CDH23: variants seen among roughly 807,000 people sequenced by gnomAD.
CDH23 encodes the protein cadherin related 23.
A neutral mutation model predicts 317.1 loss-of-function variants in CDH23; 189 were observed. The observed-to-expected ratio is 0.60, with a 90% CI of 0.53 to 0.67. The LOEUF is 0.67. Ranked by LOEUF, CDH23 falls within the 30% of genes least tolerant of loss-of-function variation. The probability of loss-of-function intolerance (pLI) is 0.00; values close to 1 mark genes in which losing one functional copy is unlikely to be tolerated. For synonymous variants in CDH23, 1,839 were observed against 1,876.8 expected (o/e 0.98, Z 0.52); for missense variants, 4,401 against 4,592.4 (o/e 0.96, Z 1.20).
intron 41 of CDH23, among the ~76,000 whole-genome samples, chr10:71,782,824 A>AC (rs1398769331): frequency 2.6e-5 from 4 of 152,112 alleles, no homozygotes; most frequent in African/African-American, 4.8e-5. Flanking sequence ...AGCAGCTTCC[A>AC]CCCCCCAGGC....
chr10:71,529,714 CTG>C (rs1855250178), intron 6 of CDH23, among the ~76,000 whole-genome samples: 1 of 152,142 alleles, frequency 6.6e-6, no homozygotes, highest in Non-Finnish European at 1.5e-5. Flanking sequence ...TACTTTAAGA[CTG>C]TCTCTCCCTT....
chr10:71,783,099 T>A (rs1357476374), intron 41 of CDH23, among the ~76,000 whole-genome samples: 1 of 152,204 alleles, frequency 6.6e-6, no homozygotes, highest in African/African-American at 2.4e-5. Context: ...CCCTTCCCCC[T>A]AAGTATTCAA....
chr10:71,470,735 C>A (rs1851467668), intron 3 of CDH23, among the ~76,000 whole-genome samples: 1 of 152,188 alleles, frequency 6.6e-6, no homozygotes, highest in African/African-American at 2.4e-5. Context: ...AAGTGATCCT[C>A]CCGCCTTGGC....
At chr10:71,813,564 C>G (rs1842015961) in intron 69 of CDH23, among the ~76,000 whole-genome samples, 1 of 152,138 alleles carries the variant, frequency 6.6e-6, no homozygotes, top group Non-Finnish European at 1.5e-5. Flanking sequence ...GGCAGTCTTT[C>G]TCTGATTAGA....
chr10:71,618,232 G>A (rs1329800873), intron 11 of CDH23, among the ~76,000 whole-genome samples: 4 of 152,112 alleles, frequency 2.6e-5, no homozygotes, highest in African/African-American at 2.4e-5. Flanking sequence ...GCATCACCAG[G>A]GGGTCTACCC....
Position 71,741,823 on chromosome 10 carries a change from G to T in CDH23, c.4747G>T (p.Gly1583Cys), listed in dbSNP as rs775013186. Reference protein sequence around the residue: ...DMAFRMDRISGEIATRPAPPD... With the variant: ...DMAFRMDRISCEIATRPAPPD... Reference sequence around the variant, plus strand: ...GGCCTTCCGCATGGACCGCATCAGCGGTGAGATCGCCACACGGCCTGCCCC... The same window carrying T: ...GGCCTTCCGCATGGACCGCATCAGCTGTGAGATCGCCACACGGCCTGCCCC... Residue 1583 changes from glycine to cysteine, a missense_variant, in exon 38 of 70, where the codon GGT becomes TGT. Coordinates refer to ENST00000224721, the MANE Select transcript of CDH23 (RefSeq NM_022124.6). 3.1e-6 allele frequency: 5 copies of T among 1,611,822 alleles called. No individual in the cohort carries two copies. The Admixed American group carries it at 8.4e-5, about 27-fold the overall frequency.
At chr10:71,580,493 A>G (rs1158740897) in intron 9 of CDH23, among the ~76,000 whole-genome samples, 1 of 152,250 alleles carries the variant, frequency 6.6e-6, no homozygotes, top group Non-Finnish European at 1.5e-5. Flanking sequence ...AGAAAGGATG[A>G]CAAATGGGTT....
At position 71,815,667 on chromosome 10, in the gene CDH23, C is replaced by T. The variant is rs933078394; in HGVS notation, c.*389C>T. On this transcript the variant is annotated 3_prime_UTR_variant, in exon 70 of 70. Transcript: ENST00000224721. ...GCACCATCCCCTCCGGCTAAGCAGG[C>T]GCAAGGGAGGCCCAGCGCGGACATC... 2.3e-5 allele frequency: 4 copies of T among 176,074 alleles called. No homozygotes were observed. The highest frequency in any genetic ancestry group is 5.8e-5 in the Admixed American group (1 of 17,224). 10.9% of individuals were successfully genotyped at this position (176,074 alleles called of 1,614,324 possible).
intron 33 of CDH23, 86 bp downstream of exon 33, chr10:71,734,427 A>G: frequency 2.0e-6 from 3 of 1,493,860 alleles, no homozygotes; most frequent in Non-Finnish European, 2.7e-6. Context: ...CCAGCCACCC[A>G]ATGTATGGGC....
At chr10:71,699,930 C>G (rs1161745946) in intron 22 of CDH23, among the ~76,000 whole-genome samples, 3 of 152,134 alleles carry the variant, frequency 2.0e-5, no homozygotes, top group Non-Finnish European at 4.4e-5. Flanking sequence ...CCCTGGCACT[C>G]TCTGGCATGG....
chr10:71,512,430 C>T (rs1854045115), intron 6 of CDH23: 1 of 152,234 alleles, frequency 6.6e-6, no homozygotes, highest in East Asian at 1.9e-4. Context: ...GCCGGTGTGC[C>T]CAGGGACTGC....
chr10:71,783,812 C>T (rs1841022328), intron 41 of CDH23, among the ~76,000 whole-genome samples: 1 of 152,360 alleles, frequency 6.6e-6, no homozygotes, highest in South Asian at 2.1e-4. Flanking sequence ...TCACCATTAG[C>T]AAAGCATTGC....
intron 53 of CDH23, 97 bp from the exon 54 acceptor site, chr10:71,802,801 T>C: frequency 7.6e-7 from 1 of 1,322,308 alleles, no homozygotes; most frequent in South Asian, 1.2e-5. Flanking sequence ...GGCTGGTGCC[T>C]GTCCTTCCTC....
At chr10:71,776,551 T>C (rs537688966) in intron 38 of CDH23, among the ~76,000 whole-genome samples, 17 of 152,180 alleles carry the variant, frequency 1.1e-4, no homozygotes, top group African/African-American at 3.6e-4. Context: ...TCAGAAAGGG[T>C]TCAACTGAAG....
At chr10:71,789,063 G>A in intron 45 of CDH23, 21 bp downstream of exon 45, 1 of 1,227,610 alleles carries the variant, frequency 8.1e-7, no homozygotes, top group Non-Finnish European at 1.2e-6. Context: ...GGCCCACCCG[G>A]GAGCTCCTGC....
At chr10:71,674,979 G>A (rs1420883089) in intron 14 of CDH23, 133 bp from the exon 15 acceptor site, 4 of 761,848 alleles carry the variant, frequency 5.3e-6, no homozygotes, top group Admixed American at 2.0e-5. Flanking sequence ...CTTTCACCAG[G>A]CCTCACTGGG....
intron 61 of CDH23, 91 bp from the exon 62 acceptor site, chr10:71,810,381 G>A (rs1289242859): frequency 8.5e-7 from 1 of 1,181,162 alleles, no homozygotes; most frequent in Non-Finnish European, 1.3e-6. Context: ...TATTTGCAGG[G>A]AAGGGCAGAA....
chr10:71,762,212 G>A (rs1840411831), intron 38 of CDH23, among the ~76,000 whole-genome samples: 1 of 152,252 alleles, frequency 6.6e-6, no homozygotes, highest in South Asian at 2.1e-4. Context: ...CTGTTGTAGG[G>A]GGAGTCACAG....
In CDH23 at chr10:71,664,141, G is replaced by A. The variant is rs1167850492; in HGVS notation, c.1450-10971G>A. Among the ~76,000 whole-genome samples, 4 of 152,092 alleles carry A rather than the reference G, an allele frequency of 2.6e-5. No homozygotes were observed. In the East Asian group the frequency reaches 7.7e-4, roughly 29 times the overall value. ...CCTCCTCCAGGCATCTCCCCAGCAAGAGGCCCCAGAGACCACCAGGTGGTG... is the reference window on the plus strand; with the variant it reads ...CCTCCTCCAGGCATCTCCCCAGCAAAAGGCCCCAGAGACCACCAGGTGGTG... On this transcript the variant is annotated intron_variant, in intron 14 of 69. Coordinates refer to ENST00000224721, the MANE Select transcript of CDH23 (RefSeq NM_022124.6).
Sources: allele counts gnomAD v4.1 joint callset (sites outside exome capture counted in the v4.1 genomes callset), GRCh38; gene constraint gnomAD v4.1.1; transcripts MANE v1.5; gene names NCBI Gene and HGNC (gene_info 2026-07-23, HGNC 2026-07-21).